Variants in FHIT observed in about 807,000 individuals in gnomAD.
FHIT encodes bis(5'-adenosyl)-triphosphatase.
A neutral mutation model predicts 17.9 loss-of-function variants in FHIT; 19 were observed. The ratio of observed to expected loss-of-function variants is 1.06; its 90% CI spans 0.74 to 1.56. The LOEUF (loss-of-function observed/expected upper bound fraction) is 1.56. Among genes scored for constraint, FHIT ranks in the 40% most tolerant of loss-of-function variants. The pLI, the probability that FHIT is intolerant of heterozygous loss-of-function variation, is 0.00. For synonymous variants in FHIT, 81 were observed against 69.7 expected, an observed-to-expected ratio of 1.16 and a Z score of -0.81; for missense variants, 248 against 189.2, an observed-to-expected ratio of 1.31 and a Z score of -1.82.
chr3:60,877,253 A>G (rs1447914), intron 3 of FHIT, among the ~76,000 whole-genome samples: 36,390 of 152,128 alleles, frequency 0.24, 4,867 homozygotes, highest in African/African-American at 0.34. Context: ...CCCTGCCTCC[A>G]TAAGGCTAAG....
rs1309208713 is a variant in FHIT, at chr3:60,614,815, TTTTTGTTTTTTTTTTGTTTTTTTTTTG to T, written c.-17-77863_-17-77837del. Among the ~76,000 whole-genome samples, 8 of 66,442 alleles carry T rather than the reference TTTTTGTTTTTTTTTTGTTTTTTTTTTG, an allele frequency of 1.2e-4. 2 individuals carry two copies. The South Asian group carries it at 2.6e-3, about 22-fold the overall frequency. The allele number at this position is 66,442 out of a possible 152,430, so 43.6% of individuals were successfully genotyped here. A position where few individuals can be genotyped will look rare whatever the true frequency, so the allele number is the denominator to read the frequency against. On this transcript the variant is annotated intron_variant, in intron 4 of 9. Coordinates refer to ENST00000492590, the MANE Select transcript of FHIT (RefSeq NM_002012.4). ...GTAAAAAATTGCAAAAGTTGTTTTT[TTTTTGTTTTTTTTTTGTTTTTTTTTTG>T]TTTTTTGAGATGGAGCCCTGCTCTG...
At chr3:59,868,001 T>C (rs1702732137) in intron 8 of FHIT, among the ~76,000 whole-genome samples, 1 of 144,656 alleles carries the variant, frequency 6.9e-6, no homozygotes, top group African/African-American at 2.6e-5. Context: ...AATGTTCTTT[T>C]GGGCTTAATG....
intron 5 of FHIT, among the ~76,000 whole-genome samples, chr3:60,282,220 G>A (rs12633077): frequency 0.25 from 38,083 of 152,068 alleles, 5,484 homozygotes; most frequent in East Asian, 0.69. Context: ...GAAGCTTATA[G>A]AAACTTTATT....
intron 2 of FHIT, among the ~76,000 whole-genome samples, chr3:61,073,979 G>C (rs1468836393): frequency 6.6e-6 from 1 of 152,028 alleles, no homozygotes; most frequent in African/African-American, 2.4e-5. Context: ...TTTGGCATTG[G>C]GTATTTATAA....
chr3:60,114,066 TATATATA>T, intron 5 of FHIT, among the ~76,000 whole-genome samples: 2 of 99,650 alleles, frequency 2.0e-5, no homozygotes, highest in African/African-American at 7.5e-5. Context: ...TATATATATA[TATATATA>T]ATGTTATATG....
intron 5 of FHIT, among the ~76,000 whole-genome samples, chr3:60,121,702 CA>C (rs377092567): frequency 0.32 from 39,867 of 126,166 alleles, 5,619 homozygotes; most frequent in African/African-American, 0.41. Flanking sequence ...AACAAACAAA[CA>C]AAACAAACAC....
chr3:60,361,932 A>T (rs1386242343), intron 5 of FHIT, among the ~76,000 whole-genome samples: 1 of 152,170 alleles, frequency 6.6e-6, no homozygotes, highest in African/African-American at 2.4e-5. Flanking sequence ...TTACAAAAAA[A>T]GTTTTCTCCT....
At chr3:60,292,289 G>A (rs193049904) in intron 5 of FHIT, among the ~76,000 whole-genome samples, 64 of 152,196 alleles carry the variant, frequency 4.2e-4, no homozygotes, top group African/African-American at 1.4e-3. Flanking sequence ...GAGACGCTTC[G>A]AAATAGTTGA....
At chr3:60,828,235 A>G (rs965866826) in intron 3 of FHIT, among the ~76,000 whole-genome samples, 1 of 152,168 alleles carries the variant, frequency 6.6e-6, no homozygotes, top group African/African-American at 2.4e-5. Flanking sequence ...TAACATTATC[A>G]TCACATTTTT....
At chr3:60,444,067 A>C (rs576152672) in intron 5 of FHIT, among the ~76,000 whole-genome samples, 1 of 152,324 alleles carries the variant, frequency 6.6e-6, no homozygotes, top group East Asian at 1.9e-4. Context: ...GAAGACATTT[A>C]TGCAGCCAAA....
chr3:61,011,148 T>A (rs2031767136), intron 3 of FHIT, among the ~76,000 whole-genome samples: 2 of 152,196 alleles, frequency 1.3e-5, no homozygotes, highest in African/African-American at 4.8e-5. Context: ...TTTTAGATTA[T>A]AAAAGTTTTC....
At chr3:59,809,425 C>T (rs1469431558) in intron 8 of FHIT, among the ~76,000 whole-genome samples, 1 of 152,220 alleles carries the variant, frequency 6.6e-6, no homozygotes, top group Non-Finnish European at 1.5e-5. Context: ...TAGTTTTGGA[C>T]ATCCAGCATC....
chr3:60,990,104 G>T (rs898299215), intron 3 of FHIT, among the ~76,000 whole-genome samples: 2 of 152,026 alleles, frequency 1.3e-5, no homozygotes, highest in African/African-American at 4.8e-5. Flanking sequence ...CCTTATGTAC[G>T]CCCAAGGGTG....
At chr3:60,942,581 G>C (rs1402216931) in intron 3 of FHIT, among the ~76,000 whole-genome samples, 1 of 147,288 alleles carries the variant, frequency 6.8e-6, no homozygotes, top group Non-Finnish European at 1.5e-5. Context: ...CTCTCTCTTT[G>C]TTCTTCTCTC....
At chr3:59,953,504 C>T (rs75161727) in intron 7 of FHIT, among the ~76,000 whole-genome samples, 1,550 of 152,302 alleles carry the variant, frequency 0.01, 28 homozygotes, top group African/African-American at 0.034. Flanking sequence ...GCCACGCAGA[C>T]GCCTACCTTG....
chr3:59,859,177 T>A (rs1702303035), intron 8 of FHIT, among the ~76,000 whole-genome samples: 1 of 152,178 alleles, frequency 6.6e-6, no homozygotes, highest in Non-Finnish European at 1.5e-5. Context: ...GATGGGGAGA[T>A]CTGGCAAGTA....
intron 5 of FHIT, among the ~76,000 whole-genome samples, chr3:60,247,141 T>C (rs1705437452): frequency 6.6e-6 from 1 of 152,086 alleles, no homozygotes; most frequent in Non-Finnish European, 1.5e-5. Context: ...TAAGTATATG[T>C]GGAAGGGGAG....
chr3:60,910,472 C>G (rs924507188), intron 3 of FHIT, among the ~76,000 whole-genome samples: 1 of 149,382 alleles, frequency 6.7e-6, no homozygotes, highest in African/African-American at 2.5e-5. Context: ...AGTGCAGTGG[C>G]GCAATCTTGG....
At chr3:59,768,122 G>A (rs1439134419) in intron 8 of FHIT, among the ~76,000 whole-genome samples, 1 of 152,172 alleles carries the variant, frequency 6.6e-6, no homozygotes, top group Non-Finnish European at 1.5e-5. Flanking sequence ...AAATATAACA[G>A]GGGTGGCCTG....
Sources: gnomAD v4.1 joint callset for allele counts (sites outside exome capture counted in the v4.1 genomes callset) on GRCh38, gnomAD v4.1.1 for gene constraint, MANE v1.5 for transcripts, NCBI Gene and HGNC (gene_info 2026-07-23, HGNC 2026-07-21) for gene names.